CHD7: variants seen among roughly 807,000 people sequenced by gnomAD.
CHD7 encodes ATP-dependent chromatin remodeler CHD7.
A neutral mutation model predicts 307.3 loss-of-function variants in CHD7; 24 were observed. The observed-to-expected ratio is 0.08, with a 90% confidence interval of 0.06 to 0.11. The LOEUF is 0.11. Among genes scored for constraint, CHD7 ranks in the 10% least tolerant of loss-of-function variants. The pLI is 1.00. For missense variants in CHD7, 3,106 were observed against 3,727.1 expected, an observed-to-expected ratio of 0.83 and a Z score of 4.34; for synonymous variants, 1,363 against 1,349.9, an observed-to-expected ratio of 1.01 and a Z score of -0.21.
intron 1 of CHD7, among the ~76,000 whole-genome samples, chr8:60,739,187 C>A (rs1808866836): frequency 6.6e-6 from 1 of 152,304 alleles, no homozygotes; most frequent in African/African-American, 2.4e-5. Flanking sequence ...CATTTCTTCC[C>A]ATAACAGTTG....
In CHD7 at chr8:60,867,763, G is replaced by T. The variant is rs1806284976; in HGVS notation, c.*1830G>T. On this transcript the variant is annotated 3_prime_UTR_variant, in exon 38 of 38. Coordinates refer to ENST00000423902, the MANE Select transcript of CHD7 (RefSeq NM_017780.4). ...GAAAATATGCCCCTTAATGATTCTG[G>T]GAAAGAAACAACCTGAACCCTCCAC... The T allele has an allele frequency of 1.3e-5, 2 of 152,114 alleles. No individual in the cohort carries two copies. The highest frequency in any genetic ancestry group is 4.2e-4 in the South Asian group (2 of 4,818). 9.4% of individuals were successfully genotyped at this position (152,114 alleles called of 1,614,324 possible). A position where few individuals can be genotyped will look rare whatever the true frequency, so the allele number is the denominator to read the frequency against.
chr8:60,765,204 T>TACACACACAC (rs71245521), intron 2 of CHD7, among the ~76,000 whole-genome samples: 1 of 150,018 alleles, frequency 6.7e-6, no homozygotes, highest in Non-Finnish European at 1.5e-5. Flanking sequence ...GGGATATGCA[T>TACACACACAC]ACACACACAC....
chr8:60,763,180 C>G (rs760351245), intron 2 of CHD7, among the ~76,000 whole-genome samples: 9 of 152,178 alleles, frequency 5.9e-5, no homozygotes, highest in Non-Finnish European at 1.2e-4. Flanking sequence ...TGATATATTT[C>G]ATTTAATGCA....
At chr8:60,844,718 C>A in intron 21 of CHD7, 146 bp from the exon 22 acceptor site, 1 of 634,530 alleles carries the variant, frequency 1.6e-6, no homozygotes, top group Non-Finnish European at 2.6e-6. Context: ...GTTTTTAACT[C>A]TTGCACCCTG....
At chr8:60,792,233 A>G (rs1158434355) in intron 3 of CHD7, among the ~76,000 whole-genome samples, 1 of 152,240 alleles carries the variant, frequency 6.6e-6, no homozygotes, top group Non-Finnish European at 1.5e-5. Context: ...TGTTAAAAGA[A>G]AAATCTTGAC....
rs1805616812 is a variant in CHD7 at position 60,854,480 on chromosome 8, A to T, written c.6893A>T (p.Gln2298Leu). Reference protein sequence around the residue: ...YMEDGDPSVAQLLHERTFAFS... With the variant: ...YMEDGDPSVALLLHERTFAFS... Reference sequence around the variant, plus strand: ...GAGGACGGAGATCCTTCAGTAGCTCAGCTCCTTCATGAAAGAACATTTGCC... The same window carrying T: ...GAGGACGGAGATCCTTCAGTAGCTCTGCTCCTTCATGAAAGAACATTTGCC... Residue 2298 changes from glutamine to leucine, a missense_variant, in exon 32 of 38, where the codon CAG becomes CTG. Gln to Leu is a moderately radical substitution (Grantham distance 113, BLOSUM62 -2). Transcript: ENST00000423902. 1.9e-6 allele frequency: 3 copies of T among 1,608,136 alleles called. No individual in the cohort carries two copies. In the South Asian group the frequency reaches 3.3e-5, roughly 18 times the overall value.
At chr8:60,824,099 C>T in intron 13 of CHD7, 83 bp downstream of exon 13, 1 of 1,161,706 alleles carries the variant, frequency 8.6e-7, no homozygotes, top group Non-Finnish European at 1.2e-6. Context: ...AATTTGATGC[C>T]TGTAAACAGT....
intron 1 of CHD7, among the ~76,000 whole-genome samples, chr8:60,721,272 A>G (rs1807889913): frequency 6.6e-6 from 1 of 152,204 alleles, no homozygotes; most frequent in Non-Finnish European, 1.5e-5. Context: ...TGACAGGACT[A>G]GTGGTCTTAA....
At chr8:60,787,039 C>T (rs1005911255) in intron 3 of CHD7, among the ~76,000 whole-genome samples, 2 of 151,436 alleles carry the variant, frequency 1.3e-5, no homozygotes, top group African/African-American at 4.9e-5. Context: ...AAAGACACTT[C>T]TTTTTTTTTC....
intron 1 of CHD7, among the ~76,000 whole-genome samples, chr8:60,680,523 G>C (rs1805567139): frequency 6.6e-6 from 1 of 151,948 alleles, no homozygotes; most frequent in African/African-American, 2.4e-5. Context: ...GCCTTTCTCC[G>C]GATGGCTCTG....
chr8:60,684,492 G>T (rs1170341277), intron 1 of CHD7, among the ~76,000 whole-genome samples: 1 of 152,356 alleles, frequency 6.6e-6, no homozygotes, highest in East Asian at 1.9e-4. Context: ...GTGTGATGCA[G>T]TCGGTGCCAG....
At chr8:60,807,232 G>T (rs1812576854) in intron 6 of CHD7, among the ~76,000 whole-genome samples, 1 of 152,068 alleles carries the variant, frequency 6.6e-6, no homozygotes, top group Non-Finnish European at 1.5e-5. Context: ...GATTTTCTTC[G>T]AAGCATTTCG....
intron 2 of CHD7, among the ~76,000 whole-genome samples, chr8:60,756,085 C>G (rs954048873): frequency 2.6e-5 from 4 of 152,142 alleles, no homozygotes; most frequent in Non-Finnish European, 4.4e-5. Flanking sequence ...ATTTAAATAG[C>G]CATGAGGCTA....
chr8:60,758,134 A>T lies in CHD7; in HGVS notation c.1665+15037A>T, dbSNP rs80136351. Among the ~76,000 whole-genome samples the T allele has an allele frequency of 1.5e-3, 224 of 152,134 alleles. 1 individual carries two copies. The highest frequency in any genetic ancestry group is 5.3e-3 in the African/African-American group (218 of 41,514). On this transcript the variant is annotated intron_variant, in intron 2 of 37. Transcript: ENST00000423902. ...TTCATTGAATTATGCCAATCTTCTG[A>T]TTTTTGTATACATTTTTTTTTGAGG... is the stretch of plus-strand genomic sequence containing the variant.
intron 4 of CHD7, among the ~76,000 whole-genome samples, chr8:60,795,985 A>G (rs1321010859): frequency 6.6e-6 from 1 of 152,200 alleles, no homozygotes; most frequent in Non-Finnish European, 1.5e-5. Context: ...GTACACACTC[A>G]GGACTTTGCA....
chr8:60,821,923 G>A lies in CHD7; in HGVS notation c.2831G>A (p.Arg944His), dbSNP rs117506164. 432 of 1,613,208 alleles carry A rather than the reference G, an allele frequency of 2.7e-4. 3 individuals are homozygous for A. The East Asian group carries it at 6.9e-3, about 26-fold the overall frequency. Residue 944 changes from arginine to histidine, a missense_variant, in exon 10 of 38, where the codon CGT becomes CAT. By Grantham distance (29) the Arg-to-His change is conservative. This residue lies in a region of CHD7 where 188 missense variants were observed against 261.7 expected (regional missense o/e 0.72). Transcript: ENST00000423902. ...ATGTCCAGGGAGCCGGAAACAGAGC[G>A]TGTGGTAAGAATTGGCTGATGGTAG... The part of the protein sequence containing the change: ...KLMSREPETE[R>H]VERPPADDWK...
intron 1 of CHD7, among the ~76,000 whole-genome samples, chr8:60,720,106 CT>C (rs1355570234): frequency 6.6e-6 from 1 of 152,146 alleles, no homozygotes; most frequent in Non-Finnish European, 1.5e-5. Flanking sequence ...TGTGGCTCAT[CT>C]TTTCATACCA....
In CHD7 at chr8:60,845,233, T is replaced by G. The variant is rs754678467; in HGVS notation, c.5051-17T>G. ...GAATGTAAAAGGCTTCTATTATTAT[T>G]ATGATGGTGATTCTAGGTTTGTCAG... On this transcript the variant is annotated splice_polypyrimidine_tract_variant and intron_variant, in intron 22 of 37. Transcript: ENST00000423902. The G allele has an allele frequency of 6.2e-7, 1 of 1,600,958 alleles. No homozygotes were observed. The highest frequency in any genetic ancestry group is 8.5e-7 in the Non-Finnish European group (1 of 1,172,064).
chr8:60,855,911 A>G lies in CHD7; in HGVS notation c.6937-64A>G, dbSNP rs974041618. On this transcript the variant is annotated intron_variant, in intron 32 of 37. Transcript: ENST00000423902. ...TGCTCTTTTGCATCTTGATGGATGT[A>G]TTTATCTAGTAATTTTAACCAGGGC... 1.5e-5 allele frequency: 16 copies of G among 1,077,770 alleles called. No individual in the cohort carries two copies. In the Admixed American group the frequency reaches 2.0e-4, roughly 14 times the overall value. The allele number at this position is 1,077,770 out of a possible 1,614,324, so 66.8% of individuals were successfully genotyped here.
Sources: gnomAD v4.1 joint callset for allele counts (sites outside exome capture counted in the v4.1 genomes callset) on GRCh38, gnomAD v4.1.1 for gene constraint, gnomAD v4.1.1 regional missense constraint, MANE v1.5 for transcripts, NCBI Gene and HGNC (gene_info 2026-07-23, HGNC 2026-07-21) for gene names.